Variants in NALF1 observed in about 807,000 individuals in gnomAD.
NALF1 encodes NALCN channel auxiliary factor 1.
NALF1 carries 3 observed loss-of-function variants against 48.4 expected under a neutral mutation model. That is an observed-to-expected ratio of 0.06 (90% CI 0.03 to 0.16). NALF1 has a LOEUF of 0.16. Ranked by LOEUF, NALF1 falls within the 10% of genes least tolerant of loss-of-function variation. The pLI is 1.00. For synonymous variants in NALF1, 262 were observed against 245.7 expected, an observed-to-expected ratio of 1.07 and a Z score of -0.62; for missense variants, 526 against 571.5, an observed-to-expected ratio of 0.92 and a Z score of 0.81.
chr13:107,734,211 G>A (rs1012880002), intron 1 of NALF1, among the ~76,000 whole-genome samples: 2 of 151,982 alleles, frequency 1.3e-5, no homozygotes, highest in African/African-American at 4.8e-5. Flanking sequence ...AAATGTCATG[G>A]CAGGGCACAT....
intron 1 of NALF1, among the ~76,000 whole-genome samples, chr13:107,666,975 T>C (rs767764428): frequency 6.6e-5 from 10 of 152,114 alleles, no homozygotes; most frequent in Non-Finnish European, 1.2e-4. Flanking sequence ...TGAAAAACAA[T>C]TTTGAACCAT....
chr13:107,236,110 C>T (rs1398507295), intron 1 of NALF1, among the ~76,000 whole-genome samples: 1 of 152,050 alleles, frequency 6.6e-6, no homozygotes, highest in Non-Finnish European at 1.5e-5. Flanking sequence ...GACTTCTGTC[C>T]CTGCTTGAGA....
At chr13:107,217,490 A>C (rs1879897345) in intron 1 of NALF1, among the ~76,000 whole-genome samples, 1 of 152,162 alleles carries the variant, frequency 6.6e-6, no homozygotes, top group African/African-American at 2.4e-5. Flanking sequence ...ATTCAATTGT[A>C]GTCTTTAAAA....
At chr13:107,222,869 C>T (rs1880023574) in intron 1 of NALF1, among the ~76,000 whole-genome samples, 1 of 152,210 alleles carries the variant, frequency 6.6e-6, no homozygotes. Flanking sequence ...GAAAGAATGC[C>T]TCTAAACACA....
At chr13:107,374,513 A>G (rs138954706) in intron 1 of NALF1, among the ~76,000 whole-genome samples, 1 of 152,332 alleles carries the variant, frequency 6.6e-6, no homozygotes, top group East Asian at 1.9e-4. Context: ...GATATTAAGC[A>G]GCTTTCCCTT....
chr13:107,392,512 G>T (rs1413336193), intron 1 of NALF1, among the ~76,000 whole-genome samples: 1 of 152,080 alleles, frequency 6.6e-6, no homozygotes, highest in Non-Finnish European at 1.5e-5. Context: ...TTTCAAAAGT[G>T]GCCAGACAGG....
At chr13:107,356,928 C>T (rs931213863) in intron 1 of NALF1, among the ~76,000 whole-genome samples, 20 of 152,186 alleles carry the variant, frequency 1.3e-4, no homozygotes. Flanking sequence ...TTTACTGTTT[C>T]TGCTTTATCT....
chr13:107,509,421 T>C (rs1875808265), intron 1 of NALF1, among the ~76,000 whole-genome samples: 1 of 152,158 alleles, frequency 6.6e-6, no homozygotes, highest in South Asian at 2.1e-4. Flanking sequence ...ACAACAATGA[T>C]TTTTGTAGCA....
intron 1 of NALF1, among the ~76,000 whole-genome samples, chr13:107,855,290 G>A (rs1880417554): frequency 6.6e-6 from 1 of 152,184 alleles, no homozygotes; most frequent in Non-Finnish European, 1.5e-5. Context: ...CCGGCCCGTG[G>A]GCTGCTGGCA....
intron 1 of NALF1, among the ~76,000 whole-genome samples, chr13:107,388,228 A>AC (rs891950669): frequency 2.0e-5 from 3 of 152,174 alleles, no homozygotes; most frequent in African/African-American, 7.2e-5. Flanking sequence ...ATTTTTTCCA[A>AC]CTCTGATCTC....
intron 1 of NALF1, among the ~76,000 whole-genome samples, chr13:107,610,055 G>A (rs912759060): frequency 2.6e-5 from 4 of 152,132 alleles, no homozygotes; most frequent in Non-Finnish European, 5.9e-5. Context: ...AAATTACAAT[G>A]AAATGCTTCC....
At chr13:107,422,535 C>A (rs541760362) in intron 1 of NALF1, among the ~76,000 whole-genome samples, 1 of 152,002 alleles carries the variant, frequency 6.6e-6, no homozygotes. Context: ...CAAGTAGGGT[C>A]GGTTATTTTT....
Position 107,786,452 on chromosome 13 carries a change from G to A in NALF1, c.915+79230C>T, listed in dbSNP as rs576468096. Among the ~76,000 whole-genome samples the A allele has an allele frequency of 3.4e-4, 48 of 143,138 alleles. No homozygotes were observed. The South Asian group carries it at 8.8e-3, about 26-fold the overall frequency. The allele number at this position is 143,138 out of a possible 152,430, so 93.9% of individuals were successfully genotyped here. Reference sequence around the variant, plus strand: ...AAAAAAAAAAAAAAAAGCCGGGCGCGGTGGCTCACTCCTGTAATCCCAACA... The same window carrying A: ...AAAAAAAAAAAAAAAAGCCGGGCGCAGTGGCTCACTCCTGTAATCCCAACA... On this transcript the variant is annotated intron_variant, in intron 1 of 2. Transcript: ENST00000375915.
intron 2 of NALF1, among the ~76,000 whole-genome samples, chr13:107,200,226 C>T (rs994865600): frequency 2.0e-5 from 3 of 152,174 alleles, no homozygotes; most frequent in African/African-American, 7.2e-5. Context: ...TCAGGGAGGA[C>T]CTCCTCCTGG....
chr13:107,204,274 T>TCTGCAG (rs1238129466), intron 2 of NALF1, among the ~76,000 whole-genome samples: 1 of 152,160 alleles, frequency 6.6e-6, no homozygotes, highest in African/African-American at 2.4e-5. Context: ...CTCATTCTCC[T>TCTGCAG]CTGCAGCTGC....
chr13:107,214,162 G>A (rs373760193), intron 1 of NALF1, among the ~76,000 whole-genome samples: 3 of 152,298 alleles, frequency 2.0e-5, no homozygotes, highest in African/African-American at 2.4e-5. Flanking sequence ...GGTGAGAGAA[G>A]GCCATGGCTC....
intron 1 of NALF1, among the ~76,000 whole-genome samples, chr13:107,402,901 T>G (rs1232549139): frequency 6.6e-6 from 1 of 152,170 alleles, no homozygotes; most frequent in Non-Finnish European, 1.5e-5. Flanking sequence ...GGATTTTTCC[T>G]TATTGGTAGC....
chr13:107,716,631 T>G (rs954183654), intron 1 of NALF1, among the ~76,000 whole-genome samples: 4 of 152,194 alleles, frequency 2.6e-5, no homozygotes, highest in Non-Finnish European at 5.9e-5. Context: ...AAAGTGGATA[T>G]GCAGTGTCCA....
intron 1 of NALF1, among the ~76,000 whole-genome samples, chr13:107,515,030 T>C (rs1271261371): frequency 6.6e-6 from 1 of 152,218 alleles, no homozygotes; most frequent in Admixed American, 6.5e-5. Context: ...CTGCTAGCTG[T>C]ATGGCCATAT....
Sources: allele counts gnomAD v4.1 joint callset (sites outside exome capture counted in the v4.1 genomes callset), GRCh38; gene constraint gnomAD v4.1.1; transcripts MANE v1.5; gene names NCBI Gene and HGNC (gene_info 2026-07-23, HGNC 2026-07-21).